The following TTC19 variants were observed in gnomAD, a reference collection of about 807,000 sequenced individuals.
TTC19 encodes the protein tetratricopeptide repeat protein 19, mitochondrial.
TTC19 carries 38 observed loss-of-function variants against 49.5 expected under a neutral mutation model. The ratio of observed to expected loss-of-function variants is 0.77; its 90% CI spans 0.59 to 1.01. The LOEUF is 1.01. Ranked by LOEUF, TTC19 falls within the 50% of genes least tolerant of loss-of-function variation. TTC19 has a pLI of 0.00. For synonymous variants in TTC19, 204 were observed against 185.2 expected, an observed-to-expected ratio of 1.10 and a Z score of -0.83; for missense variants, 475 against 477.7, an observed-to-expected ratio of 0.99 and a Z score of 0.05.
intron 4 of TTC19, 149 bp from the exon 5 acceptor site, chr17:16,003,682 G>A: frequency 2.8e-6 from 2 of 722,728 alleles, no homozygotes; most frequent in Non-Finnish European, 4.8e-6. Flanking sequence ...CTTCAAAAGG[G>A]TACTTTTCTG....
intron 7 of TTC19, among the ~76,000 whole-genome samples, chr17:16,012,956 A>G (rs995844913): frequency 5.3e-5 from 8 of 152,314 alleles, no homozygotes; most frequent in East Asian, 1.9e-4. Context: ...TAACCCCAAC[A>G]CTTTGGGAGG....
At chr17:16,002,874 AGC>A in intron 4 of TTC19, 43 bp downstream of exon 4, 1 of 1,569,860 alleles carries the variant, frequency 6.4e-7, no homozygotes, top group Non-Finnish European at 8.8e-7. Context: ...ATGAAGGAGT[AGC>A]TTCAAGGGAA....
At position 16,027,596 on chromosome 17, in the gene TTC19, C is replaced by T. The variant is rs774256645; in HGVS notation, c.*74C>T. On this transcript the variant is annotated 3_prime_UTR_variant, in exon 10 of 10. Transcript: ENST00000261647. ...CTATCATTCCTGTCTCTGTGGCACCCGATCAATGGCTTAAATCTGTCGTTT... is the reference window on the plus strand; with the variant it reads ...CTATCATTCCTGTCTCTGTGGCACCTGATCAATGGCTTAAATCTGTCGTTT... The T allele has an allele frequency of 1.5e-5, 23 of 1,536,304 alleles. No homozygotes were observed. The highest frequency in any genetic ancestry group is 4.5e-5 in the East Asian group (2 of 44,032).
chr17:16,001,670 C>T (rs923919067), intron 2 of TTC19, among the ~76,000 whole-genome samples: 1 of 152,246 alleles, frequency 6.6e-6, no homozygotes, highest in Non-Finnish European at 1.5e-5. Flanking sequence ...TGTAAGATCA[C>T]ATTCCTTCTG....
chr17:16,028,082 TA>T lies in TTC19; in HGVS notation c.*563del. The T allele has an allele frequency of 2.2e-6, 1 of 454,136 alleles. No homozygotes were observed. The highest frequency in any genetic ancestry group is 4.4e-6 in the Non-Finnish European group (1 of 226,810). 28.1% of individuals were successfully genotyped at this position (454,136 alleles called of 1,614,324 possible). A position where few individuals can be genotyped will look rare whatever the true frequency, so the allele number is the denominator to read the frequency against. On this transcript the variant is annotated 3_prime_UTR_variant, in exon 10 of 10. Transcript: ENST00000261647. ...GCTACCAGCATCCAGCATGAAGTTG[TA>T]AAGTGGGGATTAGGCACGTGACAGT... is the stretch of plus-strand genomic sequence containing the variant.
intron 2 of TTC19, among the ~76,000 whole-genome samples, chr17:16,000,702 C>T (rs1279826046): frequency 1.3e-5 from 2 of 151,992 alleles, no homozygotes; most frequent in East Asian, 1.9e-4. Flanking sequence ...GTTATCTCAT[C>T]TCTTCCATTG....
exon 3 of TTC19, chr17:16,044,998 A>T (rs2058419850): frequency 2.1e-6 from 1 of 469,530 alleles, no homozygotes; most frequent in South Asian, 2.2e-5. Flanking sequence ...GCTGAACTTA[A>T]GAAAAAAAAA....
rs1374757579 is a variant in TTC19 at position 16,028,115 on chromosome 17, C to T, written c.*593C>T. On this transcript the variant is annotated 3_prime_UTR_variant, in exon 10 of 10. Coordinates refer to ENST00000261647, the MANE Select transcript of TTC19 (RefSeq NM_017775.4). Reference sequence around the variant, plus strand: ...GGATTAGGCACGTGACAGTATAGCACCCATTTGAATTTAAATAAAAGTGAA... The same window carrying T: ...GGATTAGGCACGTGACAGTATAGCATCCATTTGAATTTAAATAAAAGTGAA... The T allele has an allele frequency of 1.1e-5, 5 of 453,848 alleles. No individual in the cohort carries two copies. Among genetic ancestry groups the T allele is most frequent in the Admixed American group, 9.4e-5 (4 of 42,538 alleles). The allele number at this position is 453,848 out of a possible 1,614,324, so 28.1% of individuals were successfully genotyped here.
At chr17:16,021,441 G>T (rs1225345895) in intron 7 of TTC19, among the ~76,000 whole-genome samples, 3 of 152,200 alleles carry the variant, frequency 2.0e-5, no homozygotes, top group African/African-American at 7.2e-5. Context: ...TACATTTCTG[G>T]TGGGGGAAAG....
At chr17:16,040,417 TAA>T (rs1417295146) in intron 2 of TTC19, 1 of 1,609,866 alleles carries the variant, frequency 6.2e-7, no homozygotes, top group Non-Finnish European at 8.5e-7. Flanking sequence ...TTTGTATTGG[TAA>T]ATAATGTCTT....
At chr17:16,044,708 G>A (rs150721274) in exon 3 of TTC19, 2 of 708,292 alleles carry the variant, frequency 2.8e-6, no homozygotes, top group Admixed American at 1.8e-5. Flanking sequence ...TAAGATCAAT[G>A]CCCTCGTTAA....
chr17:16,006,429 A>T (rs772395871), intron 6 of TTC19, 45 bp from the exon 7 acceptor site: 3 of 1,408,224 alleles, frequency 2.1e-6, no homozygotes, highest in African/African-American at 1.4e-5. Flanking sequence ...GAAGAAAAAA[A>T]AAAGAAGAAA....
chr17:16,036,583 G>C (rs1416400927), intron 2 of TTC19, among the ~76,000 whole-genome samples: 2 of 152,200 alleles, frequency 1.3e-5, no homozygotes, highest in Non-Finnish European at 2.9e-5. Context: ...GGTCTTCTGA[G>C]TAACTTGCTG....
rs367929890 is a variant in TTC19 at position 16,000,200 on chromosome 17, G to A, written c.267G>A (p.Ala89=). ...GADGAAAEDG[A]DEAEAEIIQL... ...ACGGGGCCGCTGCCGAGGACGGGGC[G>A]GACGAGGCCGAGGCAGAGATCATCC... Residue 89 remains alanine, a synonymous_variant, in exon 2 of 10, where the codon GCG becomes GCA. Transcript: ENST00000261647. The A allele has an allele frequency of 9.4e-6, 15 of 1,594,422 alleles. No individual in the cohort carries two copies. The highest frequency in any genetic ancestry group is 1.3e-5 in the Non-Finnish European group (15 of 1,178,954).
intron 2 of TTC19, 62 bp from the exon 3 acceptor site, chr17:16,001,849 TTCTG>T (rs1191031959): frequency 2.6e-5 from 29 of 1,100,888 alleles, no homozygotes; most frequent in Non-Finnish European, 3.6e-5. Context: ...TTGCATACAC[TTCTG>T]TCTCTTAGCA....
intron 8 of TTC19, 87 bp from the exon 9 acceptor site, chr17:16,026,448 AATCTT>A (rs1971563629): frequency 8.5e-7 from 1 of 1,180,938 alleles, no homozygotes; most frequent in African/African-American, 1.5e-5. Context: ...GGAAAGATGA[AATCTT>A]ATGTATTCAG....
intron 7 of TTC19, among the ~76,000 whole-genome samples, chr17:16,007,992 G>C (rs1394246135): frequency 6.6e-6 from 1 of 152,084 alleles, no homozygotes; most frequent in Non-Finnish European, 1.5e-5. Flanking sequence ...CTTTAACTTA[G>C]GGGATCACTG....
At chr17:16,041,479 T>C (rs1297532421) in intron 2 of TTC19, among the ~76,000 whole-genome samples, 2 of 143,180 alleles carry the variant, frequency 1.4e-5, no homozygotes, top group Non-Finnish European at 3.0e-5. Flanking sequence ...AATGGCGTGA[T>C]CTAGGCTCAC....
chr17:16,012,383 G>A (rs1245084712), intron 7 of TTC19, among the ~76,000 whole-genome samples: 1 of 152,026 alleles, frequency 6.6e-6, no homozygotes, highest in Non-Finnish European at 1.5e-5. Context: ...GGGAGGCTGA[G>A]GTGAGAATCT....
Sources: allele counts gnomAD v4.1 joint callset (sites outside exome capture counted in the v4.1 genomes callset), GRCh38; gene constraint gnomAD v4.1.1; transcripts MANE v1.5; gene names NCBI Gene and HGNC (gene_info 2026-07-23, HGNC 2026-07-21).